The following SORBS2 variants were observed in gnomAD, a reference collection of about 807,000 sequenced individuals.
The protein encoded by SORBS2 is sorbin and SH3 domain containing 2.
SORBS2 carries 46 observed loss-of-function variants against 97.7 expected under a neutral mutation model. The observed-to-expected ratio is 0.47, with a 90% confidence interval of 0.37 to 0.60. The LOEUF is 0.60. SORBS2 is among the 20% of genes least tolerant of loss of function. The pLI is 0.00. For missense variants in SORBS2, 1,316 were observed against 1,282.3 expected (o/e 1.03, Z -0.40); for synonymous variants, 476 against 473.4 (o/e 1.01, Z -0.07).
chr4:185,610,953 A>G (rs2153401736), intron 12 of SORBS2, among the ~76,000 whole-genome samples: 1 of 152,298 alleles, frequency 6.6e-6, no homozygotes, highest in Middle Eastern at 3.4e-3. Flanking sequence ...AAAGAATATA[A>G]TTCATCAGAA....
At chr4:185,709,304 C>CCTTTCTTTTTTTTTTTTTTTTTT (rs1554199361) in intron 2 of SORBS2, among the ~76,000 whole-genome samples, 1 of 96,804 alleles carries the variant, frequency 1.0e-5, no homozygotes, top group East Asian at 3.0e-4. Context: ...CTGGCCAAAT[C>CCTTTCTTTTTTTTTTTTTTTTTT]TTTTTTTTTT....
At chr4:185,766,865 A>G (rs1020822924) in intron 2 of SORBS2, among the ~76,000 whole-genome samples, 3 of 152,206 alleles carry the variant, frequency 2.0e-5, no homozygotes, top group African/African-American at 7.2e-5. Flanking sequence ...GTGTTTTTCT[A>G]TTAAGCTAAA....
At chr4:185,713,531 C>T (rs887351951) in intron 2 of SORBS2, among the ~76,000 whole-genome samples, 1 of 151,488 alleles carries the variant, frequency 6.6e-6, no homozygotes, top group Non-Finnish European at 1.5e-5. Context: ...ACGTTCAGTC[C>T]ACGTACTGGC....
intron 1 of SORBS2, among the ~76,000 whole-genome samples, chr4:185,807,443 T>C (rs145566314): frequency 1.3e-5 from 2 of 152,334 alleles, no homozygotes; most frequent in East Asian, 3.9e-4. Flanking sequence ...AGGAAACCAC[T>C]GCTTTTTTGG....
intron 4 of SORBS2, chr4:185,646,426 T>A: frequency 3.2e-6 from 1 of 314,920 alleles, no homozygotes; most frequent in Non-Finnish European, 5.6e-6. Flanking sequence ...TGTATATATA[T>A]ATATATAAAT....
intron 1 of SORBS2, among the ~76,000 whole-genome samples, chr4:185,827,917 T>TCATCATCAC (rs1377087775): frequency 5.5e-5 from 8 of 145,686 alleles, no homozygotes; most frequent in Non-Finnish European, 1.5e-5. Flanking sequence ...ACCATCATCA[T>TCATCATCAC]CATCATCACC....
chr4:185,651,797 A>G (rs1249042138), intron 2 of SORBS2: 1 of 1,505,868 alleles, frequency 6.6e-7, no homozygotes, highest in South Asian at 1.1e-5. Flanking sequence ...CATTGTATGT[A>G]TAAGGAGTAT....
At chr4:185,890,663 C>T (rs1201565383) in intron 1 of SORBS2, among the ~76,000 whole-genome samples, 1 of 152,146 alleles carries the variant, frequency 6.6e-6, no homozygotes. Context: ...TTTCTGGTGC[C>T]CTGCTCAGAC....
At chr4:185,766,774 A>G (rs749103857) in intron 2 of SORBS2, among the ~76,000 whole-genome samples, 1 of 152,186 alleles carries the variant, frequency 6.6e-6, no homozygotes, top group African/African-American at 2.4e-5. Flanking sequence ...CATTAAACCA[A>G]TTCAGATTTG....
At chr4:185,831,785 GT>G (rs777750014) in intron 1 of SORBS2, among the ~76,000 whole-genome samples, 4 of 152,216 alleles carry the variant, frequency 2.6e-5, no homozygotes, top group African/African-American at 4.8e-5. Context: ...ACTCTGAGAT[GT>G]TACCAGTGCT....
chr4:185,926,144 C>A (rs560998065), intron 1 of SORBS2, among the ~76,000 whole-genome samples: 2 of 152,202 alleles, frequency 1.3e-5, no homozygotes, highest in African/African-American at 4.8e-5. Flanking sequence ...TGGGATCTCA[C>A]GTGAAACAAA....
At chr4:185,621,315 C>A (rs559897644) in intron 7 of SORBS2, among the ~76,000 whole-genome samples, 6 of 152,018 alleles carry the variant, frequency 3.9e-5, no homozygotes, top group Non-Finnish European at 8.8e-5. Context: ...TTTTCTAACC[C>A]AGGGAATATA....
intron 2 of SORBS2, among the ~76,000 whole-genome samples, chr4:185,728,805 C>A (rs998375294): frequency 3.3e-5 from 5 of 152,214 alleles, no homozygotes; most frequent in African/African-American, 1.2e-4. Flanking sequence ...CCAGGCAGAC[C>A]AGATGCAAAC....
At chr4:185,796,885 C>T (rs1215952890) in intron 1 of SORBS2, among the ~76,000 whole-genome samples, 19 of 97,246 alleles carry the variant, frequency 2.0e-4, no homozygotes, top group East Asian at 3.2e-4. Flanking sequence ...TCCCTGGTCA[C>T]GGTGAGGCTG....
chr4:185,942,366 T>C (rs562947303), intron 1 of SORBS2, among the ~76,000 whole-genome samples: 1 of 151,942 alleles, frequency 6.6e-6, no homozygotes, highest in African/African-American at 2.4e-5. Flanking sequence ...TCTTTTTTTT[T>C]TTGAGTTGGA....
intron 2 of SORBS2, among the ~76,000 whole-genome samples, chr4:185,731,822 GTCTCTCTCTT>G (rs1340278534): frequency 1.7e-5 from 1 of 59,670 alleles, no homozygotes; most frequent in African/African-American, 6.8e-5. Context: ...CTCCCTGCCT[GTCTCTCTCTT>G]TCTCTCTCTC....
intron 4 of SORBS2, chr4:185,676,943 G>A: frequency 1.4e-6 from 2 of 1,431,660 alleles, no homozygotes; most frequent in South Asian, 2.6e-5. Flanking sequence ...AAAGGAGTTA[G>A]GGTCTCTACG....
intron 12 of SORBS2, among the ~76,000 whole-genome samples, chr4:185,605,499 G>A (rs1278953265): frequency 6.6e-6 from 1 of 151,298 alleles, no homozygotes; most frequent in Non-Finnish European, 1.5e-5. Context: ...GGACAGGTTG[G>A]TTTCGAACTC....
intron 1 of SORBS2, among the ~76,000 whole-genome samples, chr4:185,853,387 T>G (rs1439181010): frequency 6.6e-6 from 1 of 152,210 alleles, no homozygotes; most frequent in African/African-American, 2.4e-5. Context: ...AGGCATGATC[T>G]CGGCTTCTTC....
Sources: allele counts gnomAD v4.1 joint callset (sites outside exome capture counted in the v4.1 genomes callset), GRCh38; gene constraint gnomAD v4.1.1; transcripts MANE v1.5; gene names NCBI Gene and HGNC (gene_info 2026-07-23, HGNC 2026-07-21).